ZNF384: variants seen among roughly 807,000 people sequenced by gnomAD.
The protein encoded by ZNF384 is CAG repeat protein 1.
ZNF384 carries 20 observed loss-of-function variants against 65.0 expected under a neutral mutation model. That is an observed-to-expected ratio of 0.31 (90% CI 0.22 to 0.45). The LOEUF (loss-of-function observed/expected upper bound fraction) is 0.45. ZNF384 is among the 20% of genes least tolerant of loss of function. The probability of loss-of-function intolerance (pLI) is 1.00; values close to 1 mark genes in which losing one functional copy is unlikely to be tolerated. For synonymous variants in ZNF384, 310 were observed against 303.9 expected, an observed-to-expected ratio of 1.02 and a Z score of -0.21; for missense variants, 549 against 769.4, an observed-to-expected ratio of 0.71 and a Z score of 3.39.
At chr12:6,679,864 T>C (rs1955247067) in intron 2 of ZNF384, among the ~76,000 whole-genome samples, 1 of 152,254 alleles carries the variant, frequency 6.6e-6, no homozygotes, top group African/African-American at 2.4e-5. Context: ...GGAGATGATG[T>C]AGCTAAGGTC....
chr12:6,679,310 T>G, intron 3 of ZNF384, 127 bp from the exon 4 acceptor site: 2 of 1,227,600 alleles, frequency 1.6e-6, no homozygotes, highest in South Asian at 2.8e-5. Context: ...ACCTCTGGCC[T>G]TCTAGAGAGA....
At chr12:6,677,333 C>A in intron 6 of ZNF384, 74 bp from the exon 7 acceptor site, 1 of 1,240,496 alleles carries the variant, frequency 8.1e-7, no homozygotes, top group Non-Finnish European at 1.0e-6. Context: ...CAGCCATGCA[C>A]ATCTGCCCCT....
At chr12:6,680,842 T>G (rs570311239) in intron 2 of ZNF384, among the ~76,000 whole-genome samples, 77 of 152,148 alleles carry the variant, frequency 5.1e-4, no homozygotes, top group African/African-American at 1.8e-3. Flanking sequence ...GTAACCCAGG[T>G]TTCCAAAGGG....
At chr12:6,680,647 CAA>C (rs566727946) in intron 2 of ZNF384, among the ~76,000 whole-genome samples, 11 of 103,288 alleles carry the variant, frequency 1.1e-4, no homozygotes, top group Admixed American at 3.1e-4. Context: ...AATTCCGTCT[CAA>C]AAAAAAAAAA....
chr12:6,684,496 G>C (rs1957217352), intron 2 of ZNF384, among the ~76,000 whole-genome samples: 1 of 152,164 alleles, frequency 6.6e-6, no homozygotes, highest in Non-Finnish European at 1.5e-5. Context: ...GGATGACAGA[G>C]CCTGAATAAA....
Position 6,666,813 on chromosome 12 carries a change from T to TTA in ZNF384, c.*899_*900dup, listed in dbSNP as rs1412544409. 210 of 168,692 alleles carry TTA rather than the reference T, an allele frequency of 1.2e-3. No individual in the cohort carries two copies. The highest frequency in any genetic ancestry group is 4.0e-3 in the African/African-American group (168 of 41,688). 10.4% of individuals were successfully genotyped at this position (168,692 alleles called of 1,614,324 possible). On this transcript the variant is annotated 3_prime_UTR_variant, in exon 12 of 12. Transcript: ENST00000683879. ...GCCGTGATGAGTGAGTATAATATATTTATATATATATATTTATATATAAAT... is the reference window on the plus strand; with the variant it reads ...GCCGTGATGAGTGAGTATAATATATTTATATATATATATATTTATATATAAAT...
At position 6,678,259 on chromosome 12, in the gene ZNF384, C is replaced by A. The variant is rs913430397; in HGVS notation, c.554G>T (p.Ser185Ile). Residue 185 changes from serine (S) to isoleucine (I), a missense_variant, in exon 6 of 12, where the codon AGT becomes ATT. By Grantham distance (142) the Ser-to-Ile change is moderately radical. Coordinates refer to ENST00000683879, the MANE Select transcript of ZNF384 (RefSeq NM_001385745.1). This position sits in a 1 kb window ranked among gnomAD's most constrained non-coding sequence, Gnocchi z 4.9. ...GCCCCGGGGTGGCTTAGGAGCCACA[C>A]TGCCACCTCCACCACCACCTCCGCC... The part of the protein sequence containing the change: ...EGGGGGGGGG[S>I]VAPKPPRGRK... The A allele has an allele frequency of 3.7e-6, 6 of 1,614,188 alleles. No individual in the cohort carries two copies. Among genetic ancestry groups the A allele is most frequent in the Non-Finnish European group, 4.2e-6 (5 of 1,180,036 alleles).
rs1299620246 is a variant in ZNF384 at position 6,672,296 on chromosome 12, G to C, written c.1187+54C>G. 6.4e-7 allele frequency: 1 copy of C among 1,556,932 alleles called. No individual in the cohort carries two copies. Among genetic ancestry groups the C allele is most frequent in the Non-Finnish European group, 8.7e-7 (1 of 1,148,300 alleles). On this transcript the variant is annotated intron_variant, in intron 9 of 11. Transcript: ENST00000683879. This position sits in a 1 kb window ranked among gnomAD's most constrained non-coding sequence, Gnocchi z 4.4. ...GGTTGTTGTGTGTGTCCGGGGCGGG[G>C]GTGGGGAGGGCATGCCAGCGGGGCG... is the stretch of plus-strand genomic sequence containing the variant.
In ZNF384 at chr12:6,672,700, C is replaced by A; in HGVS notation, c.1005-168G>T. On this transcript the variant is annotated intron_variant, in intron 8 of 11. Coordinates refer to ENST00000683879, the MANE Select transcript of ZNF384 (RefSeq NM_001385745.1). This position sits in a 1 kb window ranked among gnomAD's most constrained non-coding sequence, Gnocchi z 4.4. ...AGGCAAATGAAGAGGACACCCAGATCTAGGTTGTTGCTGATCGTAAGTCGG... is the reference window on the plus strand; with the variant it reads ...AGGCAAATGAAGAGGACACCCAGATATAGGTTGTTGCTGATCGTAAGTCGG... Among the ~76,000 whole-genome samples, 1 of 152,172 alleles carries A rather than the reference C, an allele frequency of 6.6e-6. No individual in the cohort carries two copies. The highest frequency in any genetic ancestry group is 1.9e-4 in the East Asian group (1 of 5,204).
intron 10 of ZNF384, 88 bp downstream of exon 10, chr12:6,670,672 A>C: frequency 1.6e-6 from 2 of 1,222,780 alleles, no homozygotes; most frequent in Non-Finnish European, 2.4e-6. Flanking sequence ...AGTGTAAAGG[A>C]GTCCTGAAAA....
intron 11 of ZNF384, 43 bp from the exon 12 acceptor site, chr12:6,668,158 G>C: frequency 3.5e-5 from 53 of 1,494,454 alleles, no homozygotes; most frequent in Non-Finnish European, 4.4e-5. Context: ...AAAGAGGAAG[G>C]AAAAGAGATT....
rs369202309 is a variant in ZNF384 at position 6,673,440 on chromosome 12, C to G, written c.780G>C (p.Gly260=). The change falls in exon 8 of 12, where the codon GGG becomes GGC. Residue 260 remains glycine (G), a splice_region_variant and synonymous_variant. Coordinates refer to ENST00000683879, the MANE Select transcript of ZNF384 (RefSeq NM_001385745.1). The surrounding 1 kb of genome is among the most constrained non-coding windows in gnomAD (Gnocchi z 4.7). The part of the protein sequence containing the change: ...GSTTNLLCDP[G]CRMCSLTFYS... ...AGAATGTCAGTGAGCACATCCGGCA[C>G]CTGAGCCAAGTGAGGGCAATGGTTA... 2 of 1,613,502 alleles carry G rather than the reference C, an allele frequency of 1.2e-6. No homozygotes were observed. Among genetic ancestry groups the G allele is most frequent in the Non-Finnish European group, 1.7e-6 (2 of 1,179,772 alleles).
intron 2 of ZNF384, 85 bp from the exon 3 acceptor site, chr12:6,679,610 TGG>T: frequency 9.9e-7 from 1 of 1,006,172 alleles, no homozygotes; most frequent in Non-Finnish European, 1.5e-6. Context: ...GAAGAGTTCC[TGG>T]TCTCCTCTGG....
In ZNF384 at chr12:6,678,185, G is replaced by C. The variant is rs1331151873; in HGVS notation, c.628C>G (p.Pro210Ala). ...TCATCCTCAGGGGAGAGGACATAAGGGTCATTCATCTCGGGCAGCCCTGAT... is the reference window on the plus strand; with the variant it reads ...TCATCCTCAGGGGAGAGGACATAAGCGTCATTCATCTCGGGCAGCCCTGAT... ...LESGLPEMND[P>A]YVLSPEDDDD... The change falls in exon 6 of 12, where the codon CCT becomes GCT. Residue 210 changes from proline (P) to alanine (A), a missense_variant. Around this residue, in one of 5 missense-constraint regions of ZNF384, gnomAD observed 277 missense variants for 337.2 expected, o/e 0.82. Transcript: ENST00000683879. This position sits in a 1 kb window ranked among gnomAD's most constrained non-coding sequence, Gnocchi z 4.9. The C allele has an allele frequency of 6.2e-7, 1 of 1,614,136 alleles. No individual in the cohort carries two copies. Among genetic ancestry groups the C allele is most frequent in the African/African-American group, 1.3e-5 (1 of 75,022 alleles).
intron 10 of ZNF384, among the ~76,000 whole-genome samples, chr12:6,669,686 G>C (rs1008246759): frequency 6.6e-6 from 1 of 152,014 alleles, no homozygotes; most frequent in African/African-American, 2.4e-5. Flanking sequence ...ATTTTTAGTA[G>C]AGACAAGGTT....
chr12:6,675,885 T>C (rs1953330304), intron 7 of ZNF384, among the ~76,000 whole-genome samples: 1 of 152,116 alleles, frequency 6.6e-6, no homozygotes, highest in African/African-American at 2.4e-5. Flanking sequence ...GAGTGGGAGA[T>C]ACGTTGACTT....
chr12:6,678,519 T>C lies in ZNF384; in HGVS notation c.353-59A>G. On this transcript the variant is annotated intron_variant, in intron 5 of 11. Coordinates refer to ENST00000683879, the MANE Select transcript of ZNF384 (RefSeq NM_001385745.1). This position sits in a 1 kb window ranked among gnomAD's most constrained non-coding sequence, Gnocchi z 4.9. ...TTGTTCAGTCCTGATCCTAATCCTATTTCATTTCCCCCAGATCATTGTCTA... is the reference window on the plus strand; with the variant it reads ...TTGTTCAGTCCTGATCCTAATCCTACTTCATTTCCCCCAGATCATTGTCTA... The C allele has an allele frequency of 1.9e-6, 3 of 1,541,204 alleles. No individual in the cohort carries two copies. Among genetic ancestry groups the C allele is most frequent in the Non-Finnish European group, 2.7e-6 (3 of 1,131,408 alleles).
intron 2 of ZNF384, among the ~76,000 whole-genome samples, chr12:6,687,599 C>G (rs115595544): frequency 6.6e-6 from 1 of 152,216 alleles, no homozygotes; most frequent in African/African-American, 2.4e-5. Context: ...GAGTCTACTC[C>G]GTACAGTTTT....
Position 6,666,831 on chromosome 12 carries a change from A to C in ZNF384, c.*883T>G, listed in dbSNP as rs1271579549. The C allele has an allele frequency of 5.7e-6, 1 of 174,080 alleles. No individual in the cohort carries two copies. The highest frequency in any genetic ancestry group is 2.4e-5 in the African/African-American group (1 of 41,990). The allele number at this position is 174,080 out of a possible 1,614,324, so 10.8% of individuals were successfully genotyped here. On this transcript the variant is annotated 3_prime_UTR_variant, in exon 12 of 12. Transcript: ENST00000683879. ...AATATATTTATATATATATATTTAT[A>C]TATAAATCCGTGTCCGGCATCTGAC...
Sources: allele counts gnomAD v4.1 joint callset (sites outside exome capture counted in the v4.1 genomes callset), GRCh38; gene constraint gnomAD v4.1.1; regional missense constraint gnomAD v4.1.1; non-coding constraint Gnocchi (gnomAD v3.1); transcripts MANE v1.5; gene names NCBI Gene and HGNC (gene_info 2026-07-23, HGNC 2026-07-21).